Variants in SYT14 observed in about 807,000 individuals in gnomAD.
SYT14 encodes synaptotagmin 14.
A neutral mutation model predicts 74.2 loss-of-function variants in SYT14; 32 were observed. The ratio of observed to expected loss-of-function variants is 0.43; its 90% CI spans 0.33 to 0.58. The LOEUF is 0.58. Among genes scored for constraint, SYT14 ranks in the 20% least tolerant of loss-of-function variants. The pLI, the probability that SYT14 is intolerant of heterozygous loss-of-function variation, is 0.05. For missense variants in SYT14, 791 were observed against 981.8 expected (o/e 0.81, Z 2.60); for synonymous variants, 298 against 337.7 (o/e 0.88, Z 1.29).
chr1:209,953,327 C>G, intron 2 of SYT14: 1 of 1,078,440 alleles, frequency 9.3e-7, no homozygotes. Context: ...TCAGGAGAAC[C>G]TTGGGAGTCC....
chr1:210,016,315 AACTTC>A lies in SYT14; in HGVS notation c.316_320del (p.Ser106LysfsTer8), dbSNP rs1261454670. Reference sequence around the variant, plus strand: ...GAGCAAAGCAAATAAATACTTGTAAAACTTCACTAAAGCAAGATCAAGGAATACAT... The same window carrying A: ...GAGCAAAGCAAATAAATACTTGTAAAACTAAAGCAAGATCAAGGAATACAT... On this transcript the variant is annotated frameshift_variant, in exon 4 of 10. Coordinates refer to ENST00000637265, the Ensembl canonical transcript of SYT14. LOFTEE classifies it high-confidence loss of function. The A allele has an allele frequency of 8.1e-7, 1 of 1,232,032 alleles. No individual in the cohort carries two copies. Among genetic ancestry groups the A allele is most frequent in the African/African-American group, 1.6e-5 (1 of 64,434 alleles). The allele number at this position is 1,232,032 out of a possible 1,614,324, so 76.3% of individuals were successfully genotyped here.
intron 5 of SYT14, among the ~76,000 whole-genome samples, chr1:210,049,925 TC>T (rs1245641716): frequency 1.3e-5 from 2 of 152,160 alleles, no homozygotes; most frequent in African/African-American, 2.4e-5. Context: ...TCCTTGGCCT[TC>T]TGGACTGTGA....
In SYT14 at chr1:210,096,926, A is replaced by G. The variant is rs1029546140; in HGVS notation, c.1584+2333A>G. 3.9e-5 allele frequency among the ~76,000 whole-genome samples: 6 copies of G among 152,298 alleles called. No homozygotes were observed. The South Asian group carries it at 1.0e-3, about 26-fold the overall frequency. ...ATTTAATATCGTATGAATTCTGCCT[A>G]TGTCTCACAAGCTGCTTCTTTACTC... On this transcript the variant is annotated intron_variant, in intron 6 of 9. Coordinates refer to ENST00000637265, the Ensembl canonical transcript of SYT14.
rs115374468 is a variant in SYT14, at chr1:210,065,326, C to T, written c.1313-28996C>T. On this transcript the variant is annotated intron_variant, in intron 5 of 9. Coordinates refer to ENST00000637265, the Ensembl canonical transcript of SYT14. ...GGGGGCGGTTACCTCTCATGCTGTT[C>T]TTGTGATACTGAATGAGTTCTCATG... 7.9e-3 allele frequency among the ~76,000 whole-genome samples: 1,195 copies of T among 152,084 alleles called. 21 individuals carry two copies. The highest frequency in any genetic ancestry group is 0.028 in the African/African-American group (1,141 of 41,480).
In SYT14 at chr1:210,055,483, A is replaced by T. The variant is rs2081077443; in HGVS notation, c.1312+34229A>T. On this transcript the variant is annotated intron_variant, in intron 5 of 9. Coordinates refer to ENST00000637265, the Ensembl canonical transcript of SYT14. The stretch of plus-strand genomic sequence containing the variant: ...TTTAATTGATGTTTTATTGATTGAG[A>T]GGGCAAAATATGTTTTTTTTCCTAT... Among the ~76,000 whole-genome samples, 3 of 152,236 alleles carry T rather than the reference A, an allele frequency of 2.0e-5. No individual in the cohort carries two copies. In the South Asian group the frequency reaches 6.2e-4, roughly 32 times the overall value.
intron 5 of SYT14, among the ~76,000 whole-genome samples, chr1:210,043,391 C>T (rs2080829528): frequency 1.3e-5 from 2 of 151,438 alleles, no homozygotes; most frequent in Admixed American, 1.3e-4. Context: ...CTCCAACTCT[C>T]TAGTTCTAAC....
At chr1:210,106,117 T>C (rs1468267134) in intron 7 of SYT14, among the ~76,000 whole-genome samples, 2 of 152,208 alleles carry the variant, frequency 1.3e-5, no homozygotes, top group African/African-American at 4.8e-5. Context: ...AGGCACCATA[T>C]GTGTTGCAGA....
intron 6 of SYT14, among the ~76,000 whole-genome samples, chr1:210,097,252 G>A (rs2081983594): frequency 6.6e-6 from 1 of 152,108 alleles, no homozygotes; most frequent in Non-Finnish European, 1.5e-5. Context: ...GTTTAATCCA[G>A]GCTGTAGCTA....
At chr1:209,968,777 T>C (rs150189348) in intron 2 of SYT14, among the ~76,000 whole-genome samples, 11 of 151,956 alleles carry the variant, frequency 7.2e-5, no homozygotes, top group Middle Eastern at 3.4e-3. Flanking sequence ...AAGGGGTACA[T>C]GTGCAGGTTT....
intron 5 of SYT14, among the ~76,000 whole-genome samples, chr1:210,069,437 T>G (rs1387734687): frequency 6.6e-6 from 1 of 151,990 alleles, no homozygotes; most frequent in African/African-American, 2.4e-5. Flanking sequence ...CTGTTTTTCT[T>G]AAATTATTTT....
chr1:209,949,349 C>G (rs558318158), intron 1 of SYT14, among the ~76,000 whole-genome samples: 2 of 151,756 alleles, frequency 1.3e-5, no homozygotes, highest in Non-Finnish European at 2.9e-5. Context: ...CCGAGGCGGG[C>G]GGATCATGAG....
intron 6 of SYT14, among the ~76,000 whole-genome samples, chr1:210,097,272 C>T (rs544491161): frequency 6.6e-6 from 1 of 152,176 alleles, no homozygotes; most frequent in South Asian, 2.1e-4. Flanking sequence ...ATCTTAGAGC[C>T]TATCTACATA....
chr1:210,099,539 TGGG>T (rs1054786325), intron 6 of SYT14, among the ~76,000 whole-genome samples: 8 of 152,158 alleles, frequency 5.3e-5, no homozygotes, highest in African/African-American at 1.4e-4. Context: ...TTATTACAGA[TGGG>T]GGTGTTTTAG....
At chr1:210,091,288 T>A in intron 5 of SYT14, among the ~76,000 whole-genome samples, 1 of 152,040 alleles carries the variant, frequency 6.6e-6, no homozygotes, top group South Asian at 2.1e-4. Flanking sequence ...AGGTGTAACA[T>A]CATTACCAAA....
At position 210,117,867 on chromosome 1, in the gene SYT14, G is replaced by A. The variant is rs140927370; in HGVS notation, c.2034+17406G>A. On this transcript the variant is annotated intron_variant, in intron 7 of 9. Coordinates refer to ENST00000637265, the Ensembl canonical transcript of SYT14. Reference sequence around the variant, plus strand: ...AACTGAAATTTCAATATGTAAAACTGCTTTTTAAAGTATTTAATATAGAGA... The same window carrying A: ...AACTGAAATTTCAATATGTAAAACTACTTTTTAAAGTATTTAATATAGAGA... 4.6e-3 allele frequency among the ~76,000 whole-genome samples: 701 copies of A among 152,254 alleles called. 8 individuals are homozygous for A. The highest frequency in any genetic ancestry group is 0.016 in the African/African-American group (662 of 41,564).
At chr1:210,072,126 A>AAG (rs2081406491) in intron 5 of SYT14, among the ~76,000 whole-genome samples, 1 of 109,964 alleles carries the variant, frequency 9.1e-6, no homozygotes, top group South Asian at 2.7e-4. Flanking sequence ...TAGCTGGTTA[A>AAG]TTAAAGATAT....
At chr1:209,938,637 A>G (rs1167766726) in intron 1 of SYT14, among the ~76,000 whole-genome samples, 1 of 151,874 alleles carries the variant, frequency 6.6e-6, no homozygotes, top group African/African-American at 2.4e-5. Context: ...ACGGGCTGGG[A>G]GGAGCGAGGG....
chr1:209,990,205 T>TA (rs1413263493), intron 2 of SYT14, among the ~76,000 whole-genome samples: 1 of 151,998 alleles, frequency 6.6e-6, no homozygotes, highest in East Asian at 1.9e-4. Context: ...ACAAAATATA[T>TA]AAAAAATGTT....
chr1:210,037,325 T>C (rs530744064), intron 5 of SYT14, among the ~76,000 whole-genome samples: 6 of 152,180 alleles, frequency 3.9e-5, no homozygotes, highest in African/African-American at 1.4e-4. Flanking sequence ...TCTTTCCTCT[T>C]TTGTTTGTCT....
Sources: allele counts gnomAD v4.1 joint callset (sites outside exome capture counted in the v4.1 genomes callset), GRCh38; gene constraint gnomAD v4.1.1; transcripts MANE v1.5; gene names NCBI Gene and HGNC (gene_info 2026-07-23, HGNC 2026-07-21).